Variants in KRT80 observed in about 807,000 individuals in gnomAD.
The protein encoded by KRT80 is keratin, type II cytoskeletal 80.
Under a neutral mutation model 51.5 loss-of-function variants are expected in KRT80, and 36 were observed. The ratio of observed to expected loss-of-function variants is 0.70; its 90% CI spans 0.54 to 0.92. The LOEUF is 0.92. Among genes scored for constraint, KRT80 ranks in the 40% least tolerant of loss-of-function variants. KRT80 has a pLI of 0.00. For synonymous variants in KRT80, 235 were observed against 248.3 expected (o/e 0.95, Z 0.50); for missense variants, 566 against 591.7 (o/e 0.96, Z 0.45).
chr12:52,190,145 C>T (rs564776234), intron 1 of KRT80, among the ~76,000 whole-genome samples: 3 of 152,156 alleles, frequency 2.0e-5, no homozygotes, highest in Non-Finnish European at 2.9e-5. Flanking sequence ...TGGTCCTTCC[C>T]CTCTGGGTAC....
intron 8 of KRT80, 26 bp downstream of exon 8, chr12:52,171,632 T>A: frequency 6.7e-7 from 1 of 1,500,172 alleles, no homozygotes. Flanking sequence ...CACCCCACCA[T>A]GGGTTCTCGG....
chr12:52,191,825 AGGCCGG>A lies in KRT80; in HGVS notation c.72_77del (p.Arg25_Pro26del). On this transcript the variant is annotated inframe_deletion, in exon 1 of 9. Coordinates refer to ENST00000394815, the MANE Select transcript of KRT80 (RefSeq NM_182507.3). ...TGCAGCTGTCCCATCCTGAGGTTCC[AGGCCGG>A]GGGCTGCCCACCGGGGTCACCTCAC... is the stretch of plus-strand genomic sequence containing the variant. The A allele has an allele frequency of 1.3e-6, 2 of 1,593,524 alleles. No homozygotes were observed. Among genetic ancestry groups the A allele is most frequent in the South Asian group, 2.2e-5 (2 of 89,574 alleles).
At chr12:52,176,086 G>C (rs1322052657) in intron 4 of KRT80, among the ~76,000 whole-genome samples, 1 of 152,226 alleles carries the variant, frequency 6.6e-6, no homozygotes, top group East Asian at 1.9e-4. Context: ...TTCCCAGTCA[G>C]GGTGAAAAGA....
intron 4 of KRT80, among the ~76,000 whole-genome samples, chr12:52,179,252 C>G (rs778635838): frequency 1.1e-4 from 17 of 152,190 alleles, no homozygotes; most frequent in Non-Finnish European, 2.2e-4. Flanking sequence ...AGGAGATGGC[C>G]CTGCTGATGC....
intron 4 of KRT80, among the ~76,000 whole-genome samples, chr12:52,179,498 G>A (rs1241598724): frequency 6.6e-6 from 1 of 152,320 alleles, no homozygotes; most frequent in East Asian, 1.9e-4. Context: ...TACCTCTCGT[G>A]GCCACAAACA....
At chr12:52,187,680 G>T (rs1024004916) in intron 1 of KRT80, among the ~76,000 whole-genome samples, 1 of 152,094 alleles carries the variant, frequency 6.6e-6, no homozygotes, top group Non-Finnish European at 1.5e-5. Context: ...CCTTAATCCT[G>T]CTCTCTGCTG....
intron 1 of KRT80, chr12:52,185,864 G>C (rs1354925043): frequency 1.9e-6 from 1 of 528,218 alleles, no homozygotes; most frequent in Non-Finnish European, 3.3e-6. Context: ...GGGGTAAGAG[G>C]GTGTGAGAGT....
At chr12:52,172,456 A>AG in intron 6 of KRT80, 38 bp from the exon 7 acceptor site, 1 of 1,573,810 alleles carries the variant, frequency 6.4e-7, no homozygotes, top group East Asian at 2.3e-5. Flanking sequence ...GCCTGTGAGC[A>AG]GGGGAAGGAG....
At chr12:52,173,259 C>T in intron 5 of KRT80, 96 bp from the exon 6 acceptor site, 2 of 1,389,290 alleles carry the variant, frequency 1.4e-6, no homozygotes, top group Non-Finnish European at 1.9e-6. Flanking sequence ...CCAGTCCCAT[C>T]TCCAACTCTG....
At chr12:52,173,233 C>T in intron 5 of KRT80, 70 bp from the exon 6 acceptor site, 2 of 1,460,334 alleles carry the variant, frequency 1.4e-6, no homozygotes, top group Non-Finnish European at 1.8e-6. Flanking sequence ...CCCGCCTCTG[C>T]TTTTTCTTGC....
At chr12:52,185,804 C>A in intron 1 of KRT80, 1 of 1,029,870 alleles carries the variant, frequency 9.7e-7, no homozygotes, top group South Asian at 1.7e-5. Context: ...AAGGTGGAGC[C>A]AATTAGCAAA....
chr12:52,171,884 C>T (rs1205419557), intron 7 of KRT80, among the ~76,000 whole-genome samples, 171 bp from the exon 8 acceptor site: 1 of 152,130 alleles, frequency 6.6e-6, no homozygotes, highest in African/African-American at 2.4e-5. Flanking sequence ...CCTTCCTGGG[C>T]CTCTGTCCCA....
rs371865637 is a variant in KRT80 at position 52,169,826 on chromosome 12, ATCTC to A, written c.*1568_*1571del. On this transcript the variant is annotated 3_prime_UTR_variant, in exon 9 of 9. Transcript: ENST00000394815. ...CTCTTTTGGGACTTTGGGGATGAGA[ATCTC>A]TGAGTTCCCATGGCCAGAGAGTCAG... The A allele has an allele frequency of 3.3e-5, 5 of 152,392 alleles. No homozygotes were observed. Among genetic ancestry groups the A allele is most frequent in the African/African-American group, 9.6e-5 (4 of 41,586 alleles). 9.4% of individuals were successfully genotyped at this position (152,392 alleles called of 1,614,324 possible). A position where few individuals can be genotyped will look rare whatever the true frequency, so the allele number is the denominator to read the frequency against.
At chr12:52,183,064 A>G (rs1007856144) in intron 2 of KRT80, among the ~76,000 whole-genome samples, 6 of 152,224 alleles carry the variant, frequency 3.9e-5, no homozygotes, top group African/African-American at 1.2e-4. Context: ...ACACTTGTGC[A>G]GCGCACAGTT....
chr12:52,183,746 G>A (rs149914047), intron 2 of KRT80, among the ~76,000 whole-genome samples: 2 of 152,274 alleles, frequency 1.3e-5, no homozygotes, highest in South Asian at 2.1e-4. Flanking sequence ...GGCGGAGCTC[G>A]TGGGAGCAGC....
At chr12:52,183,693 G>A (rs906388859) in intron 2 of KRT80, among the ~76,000 whole-genome samples, 1 of 152,274 alleles carries the variant, frequency 6.6e-6, no homozygotes. Context: ...GGTAGTGTGT[G>A]TATAGAACTT....
At chr12:52,184,924 C>T (rs1172126384) in intron 2 of KRT80, among the ~76,000 whole-genome samples, 6 of 152,218 alleles carry the variant, frequency 3.9e-5, no homozygotes. Flanking sequence ...TGGTGGCTTT[C>T]CTCTCCTTTC....
At position 52,180,628 on chromosome 12, in the gene KRT80, TGA is replaced by T. The variant is rs763794939; in HGVS notation, c.571-22_571-21del. ...CAGGTCCTGGGGTTGGCAGCAGTGG[TGA>T]GTGGTGGGAGAGGGAATGGAGGGTC... On this transcript the variant is annotated intron_variant, in intron 3 of 8. Coordinates refer to ENST00000394815, the MANE Select transcript of KRT80 (RefSeq NM_182507.3). 6.6e-7 allele frequency: 1 copy of T among 1,521,170 alleles called. No homozygotes were observed. Among genetic ancestry groups the T allele is most frequent in the African/African-American group, 1.4e-5 (1 of 71,746 alleles). The allele number at this position is 1,521,170 out of a possible 1,614,324, so 94.2% of individuals were successfully genotyped here. A position where few individuals can be genotyped will look rare whatever the true frequency, so the allele number is the denominator to read the frequency against.
chr12:52,185,317 C>G, intron 2 of KRT80, 62 bp downstream of exon 2: 2 of 1,499,554 alleles, frequency 1.3e-6, no homozygotes, highest in Non-Finnish European at 1.8e-6. Context: ...TGCCTCCCAT[C>G]TGAGCACAGC....
Sources: allele counts gnomAD v4.1 joint callset (sites outside exome capture counted in the v4.1 genomes callset), GRCh38; gene constraint gnomAD v4.1.1; transcripts MANE v1.5; gene names NCBI Gene and HGNC (gene_info 2026-07-23, HGNC 2026-07-21).